The following NFIB variants were observed in gnomAD, a reference collection of about 807,000 sequenced individuals.
The protein encoded by NFIB is nuclear factor 1 B-type.
A neutral mutation model predicts 61.5 loss-of-function variants in NFIB; 11 were observed. That is an observed-to-expected ratio of 0.18 (90% CI 0.11 to 0.30). NFIB has a LOEUF of 0.30. NFIB is among the 10% of genes least tolerant of loss of function. The pLI, the probability that NFIB is intolerant of heterozygous loss-of-function variation, is 1.00. For missense variants in NFIB, 471 were observed against 608.9 expected, an observed-to-expected ratio of 0.77 and a Z score of 2.38; for synonymous variants, 260 against 216.5, an observed-to-expected ratio of 1.20 and a Z score of -1.76.
chr9:14,427,274 GTAA>G, the NFIB span, among the ~76,000 whole-genome samples: 1 of 152,034 alleles, frequency 6.6e-6, no homozygotes, highest in African/African-American at 2.4e-5. Context: ...GGTAATAATA[GTAA>G]TAATAATAAT....
At chr9:14,259,236 T>A (rs117258989) in intron 2 of NFIB, among the ~76,000 whole-genome samples, 142 of 152,236 alleles carry the variant, frequency 9.3e-4, no homozygotes, top group Admixed American at 2.7e-3. Flanking sequence ...TTGCTTGTGG[T>A]GGTGATGAAA....
chr9:14,226,453 T>A (rs2052431304), intron 2 of NFIB, among the ~76,000 whole-genome samples: 1 of 151,372 alleles, frequency 6.6e-6, no homozygotes, highest in Non-Finnish European at 1.5e-5. Flanking sequence ...GAGGCTCAGA[T>A]GACAGGATCT....
the NFIB span, among the ~76,000 whole-genome samples, chr9:14,432,398 T>C: frequency 6.6e-6 from 1 of 152,244 alleles, no homozygotes; most frequent in Non-Finnish European, 1.5e-5. Context: ...GCTACACCCA[T>C]TCCTGGGTAC....
At chr9:14,402,069 G>A (rs2061747881), upstream of NFIB, among the ~76,000 whole-genome samples, 1 of 152,134 alleles carries the variant, frequency 6.6e-6, no homozygotes, top group South Asian at 2.1e-4. Context: ...ATTGAAGCCT[G>A]GAAAATTTTC....
At chr9:14,414,328 G>A in the NFIB span, among the ~76,000 whole-genome samples, 61 of 151,454 alleles carry the variant, frequency 4.0e-4, no homozygotes, top group Admixed American at 1.2e-3. Context: ...CTAGCTACTC[G>A]GGAGGCTGAG....
At chr9:14,344,695 G>A (rs2060998286) in intron 1 of NFIB, among the ~76,000 whole-genome samples, 1 of 151,844 alleles carries the variant, frequency 6.6e-6, no homozygotes, top group South Asian at 2.1e-4. Flanking sequence ...TAAACGGGTC[G>A]ATTTCATCCT....
the NFIB span, among the ~76,000 whole-genome samples, chr9:14,452,541 T>A: frequency 6.7e-6 from 1 of 150,300 alleles, no homozygotes; most frequent in South Asian, 2.1e-4. Flanking sequence ...GCTTTTGAAG[T>A]TAGGTAATGA....
At position 14,322,076 on chromosome 9, in the gene NFIB, T is replaced by TAA. The variant is rs3081606; in HGVS notation, c.109-14558_109-14557dup. ...TTTGGTGTCGCTTTTTGTGTTTAGTTAAAAAAAAAAAAAAAAAAAAAAAAA... is the reference window on the plus strand; with the variant it reads ...TTTGGTGTCGCTTTTTGTGTTTAGTTAAAAAAAAAAAAAAAAAAAAAAAAAAA... On this transcript the variant is annotated intron_variant, in intron 1 of 8. Transcript: ENST00000380934. 59 of 1,111,616 alleles carry TAA rather than the reference T, an allele frequency of 5.3e-5. No homozygotes were observed. In the Admixed American group the frequency reaches 8.6e-4, roughly 16 times the overall value. 68.9% of individuals were successfully genotyped at this position (1,111,616 alleles called of 1,614,324 possible).
intron 3 of NFIB, among the ~76,000 whole-genome samples, chr9:14,164,542 G>T (rs181076803): frequency 6.6e-6 from 1 of 152,006 alleles, no homozygotes; most frequent in African/African-American, 2.4e-5. Context: ...ATCTGTCTTC[G>T]ACTGACCTAT....
chr9:14,220,251 T>C (rs940983907), intron 2 of NFIB, among the ~76,000 whole-genome samples: 1 of 152,240 alleles, frequency 6.6e-6, no homozygotes, highest in Non-Finnish European at 1.5e-5. Context: ...AAGGACAATG[T>C]AGATCCATTG....
At chr9:14,449,529 AG>A in the NFIB span, among the ~76,000 whole-genome samples, 4 of 152,252 alleles carry the variant, frequency 2.6e-5, no homozygotes, top group Admixed American at 1.3e-4. Flanking sequence ...AGAATGCATG[AG>A]TTGAAAGTGT....
At chr9:14,238,169 G>A (rs1255834203) in intron 2 of NFIB, among the ~76,000 whole-genome samples, 1 of 151,880 alleles carries the variant, frequency 6.6e-6, no homozygotes, top group African/African-American at 2.4e-5. Flanking sequence ...ACGATCATCT[G>A]AGAAAAAAAC....
At chr9:14,324,196 G>A (rs1247783379) in intron 1 of NFIB, among the ~76,000 whole-genome samples, 1 of 152,132 alleles carries the variant, frequency 6.6e-6, no homozygotes, top group African/African-American at 2.4e-5. Context: ...TCCCCACTCA[G>A]TTCAAGTGGG....
chr9:14,341,158 GC>G (rs1474494658), intron 1 of NFIB, among the ~76,000 whole-genome samples: 1 of 152,154 alleles, frequency 6.6e-6, no homozygotes, highest in Non-Finnish European at 1.5e-5. Flanking sequence ...TAGTCTTCTG[GC>G]ATCACACGTT....
intron 1 of NFIB, among the ~76,000 whole-genome samples, chr9:14,389,422 G>A (rs944380872): frequency 6.6e-6 from 1 of 151,960 alleles, no homozygotes; most frequent in African/African-American, 2.4e-5. Flanking sequence ...ATATTAAATA[G>A]ATCCATATGC....
intron 1 of NFIB, among the ~76,000 whole-genome samples, chr9:14,333,172 C>T (rs2060842326): frequency 6.6e-6 from 1 of 152,184 alleles, no homozygotes; most frequent in South Asian, 2.1e-4. Flanking sequence ...GGCTTATGCT[C>T]ACTTTCACAA....
chr9:14,338,146 G>A (rs959678417), intron 1 of NFIB, among the ~76,000 whole-genome samples: 1 of 152,188 alleles, frequency 6.6e-6, no homozygotes, highest in African/African-American at 2.4e-5. Flanking sequence ...TGTAATCCCA[G>A]CACTTTGGGA....
intron 2 of NFIB, among the ~76,000 whole-genome samples, chr9:14,215,134 T>TAAAAGCTCATTAATAAAAAGATA (rs2050721196): frequency 6.6e-6 from 1 of 151,272 alleles, no homozygotes; most frequent in African/African-American, 2.5e-5. Context: ...AGCTCAACAA[T>TAAAAGCTCATTAATAAAAAGATA]TGGGTGCTTA....
chr9:14,180,026 G>GT (rs947990640), intron 2 of NFIB, among the ~76,000 whole-genome samples: 170 of 152,200 alleles, frequency 1.1e-3, no homozygotes, highest in Non-Finnish European at 2.0e-3. Flanking sequence ...CTAGAGCAAG[G>GT]TTTTTTTGAA....
Sources: allele counts gnomAD v4.1 joint callset (sites outside exome capture counted in the v4.1 genomes callset), GRCh38; gene constraint gnomAD v4.1.1; transcripts MANE v1.5; gene names NCBI Gene and HGNC (gene_info 2026-07-23, HGNC 2026-07-21).